ITSN1: variants seen among roughly 807,000 people sequenced by gnomAD.
ITSN1 encodes intersectin-1.
ITSN1 carries 58 observed loss-of-function variants against 239.8 expected under a neutral mutation model. The observed-to-expected ratio is 0.24, with a 90% confidence interval of 0.20 to 0.30. ITSN1 has a LOEUF of 0.30. ITSN1 is among the 10% of genes least tolerant of loss of function. ITSN1 has a pLI of 1.00. For missense variants in ITSN1, 1,558 were observed against 2,103.3 expected (o/e 0.74, Z 5.07); for synonymous variants, 780 against 770.8 (o/e 1.01, Z -0.20).
At chr21:33,757,702 C>G (rs1302367352) in intron 8 of ITSN1, among the ~76,000 whole-genome samples, 1 of 151,950 alleles carries the variant, frequency 6.6e-6, no homozygotes, top group African/African-American at 2.4e-5. Context: ...AGTCAGAATC[C>G]CCAAAGCAGT....
chr21:33,824,188 C>G (rs1427212704), intron 25 of ITSN1, among the ~76,000 whole-genome samples: 1 of 152,196 alleles, frequency 6.6e-6, no homozygotes, highest in Non-Finnish European at 1.5e-5. Context: ...TTGATCAGGA[C>G]TGAATTTAAG....
At chr21:33,774,579 T>A in intron 12 of ITSN1, 150 bp from the exon 13 acceptor site, 1 of 654,224 alleles carries the variant, frequency 1.5e-6, no homozygotes, top group South Asian at 2.2e-5. Context: ...ACTGTATTTT[T>A]ATGTAATTTT....
intron 1 of ITSN1, among the ~76,000 whole-genome samples, chr21:33,653,746 T>C (rs1568847502): frequency 1.3e-5 from 2 of 152,098 alleles, no homozygotes; most frequent in African/African-American, 2.4e-5. Flanking sequence ...ATGGCCTCGA[T>C]CTCCTGACCT....
intron 1 of ITSN1, among the ~76,000 whole-genome samples, chr21:33,668,806 C>A (rs1601535979): frequency 6.6e-6 from 1 of 152,306 alleles, no homozygotes; most frequent in East Asian, 1.9e-4. Context: ...GGTCAGTGAC[C>A]CCACACTTGG....
chr21:33,675,099 A>G (rs1448744460), intron 1 of ITSN1, among the ~76,000 whole-genome samples: 2 of 152,096 alleles, frequency 1.3e-5, no homozygotes, highest in Non-Finnish European at 2.9e-5. Context: ...TTATAACCTA[A>G]TTTTTTCAGT....
At chr21:33,833,155 G>A (rs961279680) in intron 27 of ITSN1, among the ~76,000 whole-genome samples, 1 of 151,972 alleles carries the variant, frequency 6.6e-6, no homozygotes, top group Admixed American at 6.6e-5. Flanking sequence ...TGCAAAACCC[G>A]CCTCACCAAC....
rs142873701 is a variant in ITSN1 at position 33,750,267 on chromosome 21, C to G, written c.471C>G (p.Pro157=). Residue 157 remains proline (P), a synonymous_variant, in exon 6 of 40, where the codon CCC becomes CCG. Transcript: ENST00000381318. The part of the protein sequence containing the change: ...VSSVPTAAVP[P]LANGAPPVIQ... ...CTGTTCCCACAGCAGCTGTGCCCCC[C>G]CTGGCTAACGGGGCTCCCCCTGTTA... The G allele has an allele frequency of 4.5e-5, 73 of 1,613,954 alleles. 1 individual carries two copies. In the East Asian group the frequency reaches 5.1e-4, roughly 11 times the overall value.
intron 30 of ITSN1, among the ~76,000 whole-genome samples, chr21:33,857,111 T>C (rs1979500377): frequency 6.6e-6 from 1 of 152,078 alleles, no homozygotes; most frequent in Admixed American, 6.5e-5. Context: ...CCCTGAGCAG[T>C]TGATGGATGG....
At chr21:33,773,792 G>C (rs916959299) in intron 12 of ITSN1, among the ~76,000 whole-genome samples, 2 of 151,814 alleles carry the variant, frequency 1.3e-5, no homozygotes, top group African/African-American at 4.8e-5. Context: ...TGATTCACCT[G>C]CCTCAGCCTC....
chr21:33,830,671 G>T (rs1169858282), intron 27 of ITSN1, among the ~76,000 whole-genome samples: 2 of 152,132 alleles, frequency 1.3e-5, no homozygotes, highest in Non-Finnish European at 2.9e-5. Flanking sequence ...AGAAAACCAC[G>T]CTGTCAAGGA....
intron 21 of ITSN1, among the ~76,000 whole-genome samples, 184 bp from the exon 22 acceptor site, chr21:33,813,729 C>G (rs2073072270): frequency 6.6e-6 from 1 of 150,656 alleles, no homozygotes. Flanking sequence ...TGGTTGCCAT[C>G]TTTTTCTTTT....
intron 34 of ITSN1, among the ~76,000 whole-genome samples, chr21:33,879,343 C>A (rs568136228): frequency 6.6e-6 from 1 of 151,982 alleles, no homozygotes; most frequent in Non-Finnish European, 1.5e-5. Flanking sequence ...AGAGCAAGAC[C>A]CTGTCTCAGA....
At chr21:33,838,686 C>T (rs1251495142) in intron 29 of ITSN1, among the ~76,000 whole-genome samples, 1 of 152,188 alleles carries the variant, frequency 6.6e-6, no homozygotes, top group Non-Finnish European at 1.5e-5. Flanking sequence ...GTGCTCTCCA[C>T]CTTCCCTGAT....
chr21:33,643,144 C>G (rs985560224), intron 1 of ITSN1, among the ~76,000 whole-genome samples: 4 of 151,594 alleles, frequency 2.6e-5, no homozygotes, highest in Non-Finnish European at 5.9e-5. Flanking sequence ...GCCGGCCTCC[C>G]GGGGACCCGC....
intron 21 of ITSN1, among the ~76,000 whole-genome samples, 198 bp downstream of exon 21, chr21:33,811,420 A>T (rs1243798320): frequency 1.3e-5 from 2 of 152,196 alleles, no homozygotes; most frequent in African/African-American, 4.8e-5. Flanking sequence ...ATTGTCTAAC[A>T]GTGACTTACC....
In ITSN1 at chr21:33,739,262, A is replaced by G. The variant is rs533926792; in HGVS notation, c.346+4058A>G. ...GAAAATAGAATTTTCTATTGTAGGA[A>G]ATTCTATGGGTAGACTTGGTACCTT... On this transcript the variant is annotated intron_variant, in intron 5 of 39. Transcript: ENST00000381318. Among the ~76,000 whole-genome samples, 5 of 152,294 alleles carry G rather than the reference A, an allele frequency of 3.3e-5. No individual in the cohort carries two copies. In the South Asian group the frequency reaches 1.0e-3, roughly 32 times the overall value.
intron 4 of ITSN1, among the ~76,000 whole-genome samples, chr21:33,726,134 C>T (rs2065818471): frequency 2.6e-5 from 4 of 152,154 alleles, no homozygotes; most frequent in Admixed American, 2.6e-4. Context: ...GCTGAGATTA[C>T]AGGTGCCCAC....
chr21:33,766,812 G>A (rs2068749771), intron 10 of ITSN1, among the ~76,000 whole-genome samples: 1 of 152,236 alleles, frequency 6.6e-6, no homozygotes, highest in Non-Finnish European at 1.5e-5. Flanking sequence ...TGCAACATTG[G>A]AAGCTGATAA....
At chr21:33,870,106 C>A (rs1029921077) in intron 33 of ITSN1, among the ~76,000 whole-genome samples, 3 of 152,218 alleles carry the variant, frequency 2.0e-5, no homozygotes, top group African/African-American at 7.2e-5. Context: ...CCCACATAAG[C>A]CATCTCCTCA....
Sources: allele counts gnomAD v4.1 joint callset (sites outside exome capture counted in the v4.1 genomes callset), GRCh38; gene constraint gnomAD v4.1.1; transcripts MANE v1.5; gene names NCBI Gene and HGNC (gene_info 2026-07-23, HGNC 2026-07-21).